Variants in HDGFL2 observed in about 807,000 individuals in gnomAD.
The protein encoded by HDGFL2 is HDGF like 2.
In HDGFL2, 36 loss-of-function variants were observed where a neutral mutation model predicts 77.1. The ratio of observed to expected loss-of-function variants is 0.47; its 90% CI spans 0.36 to 0.62. The LOEUF is 0.62. Among genes scored for constraint, HDGFL2 ranks in the 20% least tolerant of loss-of-function variants. The pLI, the probability that HDGFL2 is intolerant of heterozygous loss-of-function variation, is 0.00. For synonymous variants in HDGFL2, 463 were observed against 413.1 expected (o/e 1.12, Z -1.46); for missense variants, 976 against 973.4 (o/e 1.00, Z -0.04).
At chr19:4,500,929 G>A (rs1184711780) in intron 14 of HDGFL2, among the ~76,000 whole-genome samples, 2 of 152,200 alleles carry the variant, frequency 1.3e-5, no homozygotes, top group Non-Finnish European at 2.9e-5. Flanking sequence ...CCAGGCTGCT[G>A]TGGGCTTTTC....
At chr19:4,495,385 C>CAAAAAAAAA (rs747305046) in intron 9 of HDGFL2, among the ~76,000 whole-genome samples, 2 of 54,240 alleles carry the variant, frequency 3.7e-5, no homozygotes, top group Non-Finnish European at 6.4e-5. Flanking sequence ...GACTCCATCT[C>CAAAAAAAAA]AAAAAAAAAA....
At chr19:4,495,404 AAAAAAT>A in intron 9 of HDGFL2, among the ~76,000 whole-genome samples, 1 of 151,078 alleles carries the variant, frequency 6.6e-6, no homozygotes, top group Non-Finnish European at 1.5e-5. Context: ...AAAAAAAAAA[AAAAAAT>A]AGGCTCCGAA....
chr19:4,476,513 T>C (rs1455733756), intron 3 of HDGFL2, among the ~76,000 whole-genome samples: 2 of 151,188 alleles, frequency 1.3e-5, no homozygotes. Context: ...TCTAACAGAG[T>C]GTTATCATAG....
Position 4,498,874 on chromosome 19 carries a change from A to T in HDGFL2, c.1534A>T (p.Ile512Phe). 6.2e-7 allele frequency: 1 copy of T among 1,612,190 alleles called. No individual in the cohort carries two copies. The highest frequency in any genetic ancestry group is 8.5e-7 in the Non-Finnish European group (1 of 1,179,114). ...GGGAACCCTGCAGGTGACCTCTCAG[A>T]TCCTCCAGAAGAACACAGACGTGGT... is the stretch of plus-strand genomic sequence containing the variant. ...ELGTLQVTSQILQKNTDVVAT... is the reference protein window; with the variant it reads ...ELGTLQVTSQFLQKNTDVVAT... The change falls in exon 13 of 16, where the codon ATC (isoleucine) becomes TTC (phenylalanine). Residue 512 changes from isoleucine to phenylalanine, a missense_variant. By Grantham distance (21) the Ile-to-Phe change is conservative (BLOSUM62 0). Transcript: ENST00000616600.
intron 1 of HDGFL2, 23 bp downstream of exon 1, chr19:4,472,445 G>A: frequency 1.2e-6 from 1 of 851,806 alleles, no homozygotes; most frequent in Non-Finnish European, 1.6e-6. Flanking sequence ...GGGAGATGGG[G>A]CCGGTGGGGG....
chr19:4,486,052 CAAA>C (rs548919228), intron 3 of HDGFL2, among the ~76,000 whole-genome samples: 65 of 74,956 alleles, frequency 8.7e-4, no homozygotes, highest in African/African-American at 1.5e-3. Context: ...GACCCCGTCT[CAAA>C]AAAAAAAAAA....
intron 3 of HDGFL2, among the ~76,000 whole-genome samples, chr19:4,488,255 G>C (rs1192578696): frequency 6.6e-6 from 1 of 152,236 alleles, no homozygotes; most frequent in Non-Finnish European, 1.5e-5. Context: ...ATAGGCGTGA[G>C]CCTCCGCGCC....
intron 3 of HDGFL2, among the ~76,000 whole-genome samples, chr19:4,481,920 T>C (rs979265104): frequency 1.6e-4 from 24 of 151,992 alleles, no homozygotes; most frequent in Non-Finnish European, 1.3e-4. Flanking sequence ...GACCTTCCCT[T>C]TTCCAATTTA....
rs193125218 is a variant in HDGFL2, at chr19:4,475,343, A to T, written c.141A>T (p.Thr47=). The change falls in exon 2 of 16, where the codon ACA becomes ACT. Residue 47 remains threonine, a synonymous_variant. Coordinates refer to ENST00000616600, the MANE Select transcript of HDGFL2 (RefSeq NM_001001520.3). ...AGTACCCCATCTTTTTCTTTGGCAC[A>T]CACGAAACGTAAGTGTCCCCTTCTG... ...PNKYPIFFFG[T]HETAFLGPKD... is the part of the protein sequence containing the mutation. The T allele has an allele frequency of 3.5e-4, 571 of 1,613,872 alleles. 4 individuals carry two copies. In the African/African-American group the frequency reaches 6.6e-3, roughly 19 times the overall value.
In HDGFL2 at chr19:4,498,047, C is replaced by G. The variant is rs756574055; in HGVS notation, c.1402+16C>G. 1.3e-6 allele frequency: 2 copies of G among 1,548,232 alleles called. No individual in the cohort carries two copies. The highest frequency in any genetic ancestry group is 1.7e-6 in the Non-Finnish European group (2 of 1,143,722). ...AAGAAGAAAGGTGAGGCCTGGCTGC[C>G]CAGCACTGCCCACACTGAGTTCACT... On this transcript the variant is annotated intron_variant, in intron 11 of 15. Coordinates refer to ENST00000616600, the MANE Select transcript of HDGFL2 (RefSeq NM_001001520.3).
At chr19:4,488,498 C>G (rs1011104802) in intron 3 of HDGFL2, among the ~76,000 whole-genome samples, 178 bp from the exon 4 acceptor site, 1 of 152,216 alleles carries the variant, frequency 6.6e-6, no homozygotes, top group Non-Finnish European at 1.5e-5. Flanking sequence ...CCATCTCACT[C>G]TCCTGCCTTC....
At position 4,488,484 on chromosome 19, in the gene HDGFL2, G is replaced by A. The variant is rs539550537; in HGVS notation, c.289-192G>A. ...CCCGACCCTAGTGCCCACCATACAC[G>A]AATCCATCTCACTCTCCTGCCTTCG... On this transcript the variant is annotated intron_variant, in intron 3 of 15. Transcript: ENST00000616600. Among the ~76,000 whole-genome samples the A allele has an allele frequency of 2.0e-5, 3 of 152,262 alleles. No individual in the cohort carries two copies. In the South Asian group the frequency reaches 6.2e-4, roughly 32 times the overall value.
intron 4 of HDGFL2, 79 bp downstream of exon 4, chr19:4,488,955 T>A: frequency 1.2e-5 from 5 of 420,244 alleles, no homozygotes; most frequent in Non-Finnish European, 1.7e-5. Context: ...TCCTGCCCTT[T>A]TTTTTTTTTT....
chr19:4,495,523 A>T (rs1975679936), intron 9 of HDGFL2, among the ~76,000 whole-genome samples: 1 of 151,798 alleles, frequency 6.6e-6, no homozygotes, highest in African/African-American at 2.4e-5. Context: ...GTGCTGGAGG[A>T]ACAGCGAGGT....
intron 15 of HDGFL2, 51 bp downstream of exon 15, chr19:4,501,368 C>T (rs372694920): frequency 2.5e-5 from 39 of 1,537,008 alleles, no homozygotes; most frequent in Middle Eastern, 2.3e-4. Context: ...AGCGGTGTGA[C>T]GCGCACCCTG....
In HDGFL2 at chr19:4,491,569, T is replaced by G. The variant is rs373051908; in HGVS notation, c.493T>G (p.Ser165Ala). Residue 165 changes from serine to alanine, a missense_variant, in exon 5 of 16, where the codon TCG becomes GCG. This residue lies in a region of HDGFL2 where 567 missense variants were observed against 534.7 expected (regional missense o/e 1.06). Transcript: ENST00000616600. ...LKRKTPALKM[S>A]VSKRARKASS... The stretch of plus-strand genomic sequence containing the variant: ...ATTCAGGCCGTTCCCCTTCCAGATG[T>G]CGGTCTCGAAACGAGCCCGAAAGGC... The G allele has an allele frequency of 7.4e-6, 12 of 1,613,408 alleles. No individual in the cohort carries two copies. Among genetic ancestry groups the G allele is most frequent in the Middle Eastern group, 1.7e-4 (1 of 6,056 alleles).
chr19:4,488,346 C>G (rs1029726706), intron 3 of HDGFL2, among the ~76,000 whole-genome samples: 1 of 152,208 alleles, frequency 6.6e-6, no homozygotes, highest in Non-Finnish European at 1.5e-5. Flanking sequence ...TCCATGCTTT[C>G]CTGGTCACAG....
intron 1 of HDGFL2, among the ~76,000 whole-genome samples, chr19:4,473,623 G>A (rs1974999511): frequency 6.6e-6 from 1 of 150,400 alleles, no homozygotes; most frequent in South Asian, 2.1e-4. Context: ...CAGGGTTGGA[G>A]GAGGCAGTCA....
At chr19:4,499,846 G>A (rs1053392278) in intron 14 of HDGFL2, 142 bp downstream of exon 14, 13 of 705,152 alleles carry the variant, frequency 1.8e-5, no homozygotes, top group African/African-American at 1.3e-4. Context: ...TGGGGTCTCC[G>A]TGCAGACCCG....
Sources: gnomAD v4.1 joint callset for allele counts (sites outside exome capture counted in the v4.1 genomes callset) on GRCh38, gnomAD v4.1.1 for gene constraint, gnomAD v4.1.1 regional missense constraint, MANE v1.5 for transcripts, NCBI Gene and HGNC (gene_info 2026-07-23, HGNC 2026-07-21) for gene names.